The following NAV2 variants were observed in gnomAD, a reference collection of about 807,000 sequenced individuals.
The protein encoded by NAV2 is neuron navigator 2.
A neutral mutation model predicts 223.2 loss-of-function variants in NAV2; 54 were observed. That is an observed-to-expected ratio of 0.24 (90% CI 0.19 to 0.30). The LOEUF (loss-of-function observed/expected upper bound fraction) is 0.30. NAV2 is among the 10% of genes least tolerant of loss of function. The pLI, the probability that NAV2 is intolerant of heterozygous loss-of-function variation, is 1.00. For synonymous variants in NAV2, 1,279 were observed against 1,239.3 expected (o/e 1.03, Z -0.67); for missense variants, 2,806 against 3,147.5 (o/e 0.89, Z 2.60).
chr11:19,933,202 C>T lies in NAV2; in HGVS notation c.958C>T (p.His320Tyr). ...GCCTTTGGCAAGTTCAGCCTCCTCC[C>T]ACCCCGGAATGAGTGACAATGCACC... is the stretch of plus-strand genomic sequence containing the variant. ...KEPLASSASS[H>Y]PGMSDNAPAS... Residue 320 changes from histidine (H) to tyrosine (Y), a missense_variant, in exon 7 of 38, where the codon CAC becomes TAC. Around this residue, in one of 4 missense-constraint regions of NAV2, gnomAD observed 1,167 missense variants for 1,180.5 expected, o/e 0.99. Coordinates refer to ENST00000349880, the MANE Select transcript of NAV2 (RefSeq NM_145117.5). This position sits in a 1 kb window ranked among gnomAD's most constrained non-coding sequence, Gnocchi z 4.3. 1 of 1,543,596 alleles carries T rather than the reference C, an allele frequency of 6.5e-7. No individual in the cohort carries two copies. Among genetic ancestry groups the T allele is most frequent in the Middle Eastern group, 1.8e-4 (1 of 5,696 alleles).
chr11:19,606,499 T>G (rs563468145), intron 1 of NAV2, among the ~76,000 whole-genome samples: 2 of 152,236 alleles, frequency 1.3e-5, no homozygotes, highest in South Asian at 4.2e-4. Flanking sequence ...CCCTTAACCG[T>G]CCTCTCCTCA....
chr11:19,441,516 G>C (rs778115343), intron 1 of NAV2, among the ~76,000 whole-genome samples: 3 of 152,114 alleles, frequency 2.0e-5, no homozygotes, highest in Non-Finnish European at 4.4e-5. Flanking sequence ...ATAGCAGTAA[G>C]AGCATGAAAC....
chr11:19,811,080 G>C (rs186317031), intron 1 of NAV2, among the ~76,000 whole-genome samples: 3 of 152,350 alleles, frequency 2.0e-5, no homozygotes, highest in African/African-American at 7.2e-5. Context: ...TGAGGAGGAA[G>C]AGAAAAATGT....
chr11:19,752,260 A>G (rs757844589), intron 1 of NAV2, among the ~76,000 whole-genome samples: 1 of 152,142 alleles, frequency 6.6e-6, no homozygotes, highest in Non-Finnish European at 1.5e-5. Context: ...CAGCAATGGG[A>G]GAAGCTGCAG....
chr11:19,485,163 C>A (rs956060527), intron 1 of NAV2, among the ~76,000 whole-genome samples: 2 of 152,096 alleles, frequency 1.3e-5, no homozygotes, highest in South Asian at 2.1e-4. Context: ...TATCTAGGGG[C>A]CTAAGAGCTT....
chr11:20,077,104 T>G (rs898515144), intron 22 of NAV2, among the ~76,000 whole-genome samples: 1 of 152,130 alleles, frequency 6.6e-6, no homozygotes, highest in Non-Finnish European at 1.5e-5. Context: ...CATCCTCCAT[T>G]GTAGTAGAGA....
intron 10 of NAV2, among the ~76,000 whole-genome samples, chr11:19,951,708 T>C (rs6483624): frequency 0.91 from 138,755 of 152,284 alleles, 63,304 homozygotes; most frequent in East Asian, 0.98. Flanking sequence ...ATCTTAGTGA[T>C]AGCCGACTGA....
At chr11:19,715,536 TGAG>T (rs2050232507) in intron 1 of NAV2, among the ~76,000 whole-genome samples, 1 of 152,118 alleles carries the variant, frequency 6.6e-6, no homozygotes, top group Non-Finnish European at 1.5e-5. Flanking sequence ...TCGAGCCTGA[TGAG>T]GAGCACCCGA....
chr11:19,691,874 T>G (rs2049185170), intron 1 of NAV2, among the ~76,000 whole-genome samples: 1 of 152,228 alleles, frequency 6.6e-6, no homozygotes, highest in Admixed American at 6.5e-5. Context: ...TGGCTGGCAC[T>G]ATGGTGTCAA....
At chr11:19,883,087 T>A (rs1163090637) in intron 5 of NAV2, among the ~76,000 whole-genome samples, 1 of 152,212 alleles carries the variant, frequency 6.6e-6, no homozygotes, top group African/African-American at 2.4e-5. Context: ...ATTATTAATG[T>A]CAAATGTTGA....
chr11:20,103,572 A>G, intron 33 of NAV2, 81 bp from the exon 34 acceptor site: 3 of 1,529,722 alleles, frequency 2.0e-6, no homozygotes, highest in Non-Finnish European at 2.7e-6. Flanking sequence ...CTGGAAGCAC[A>G]GGGCCATGGG....
At chr11:19,653,538 C>T (rs188629739) in intron 1 of NAV2, among the ~76,000 whole-genome samples, 112 of 152,310 alleles carry the variant, frequency 7.4e-4, no homozygotes, top group African/African-American at 2.6e-3. Context: ...TATCCAAAGA[C>T]GTGTAGACAG....
chr11:19,896,052 G>A (rs1591121556), intron 6 of NAV2, among the ~76,000 whole-genome samples: 2 of 152,228 alleles, frequency 1.3e-5, no homozygotes, highest in Admixed American at 6.5e-5. Context: ...AGTCCGTGAT[G>A]TAATCCCATC....
At chr11:20,078,922 G>A (rs2153659930) in intron 24 of NAV2, among the ~76,000 whole-genome samples, 1 of 152,330 alleles carries the variant, frequency 6.6e-6, no homozygotes, top group African/African-American at 2.4e-5. Context: ...TCTAAGGGCA[G>A]TGCTAAGTGT....
At chr11:19,466,078 G>T (rs571885311) in intron 1 of NAV2, among the ~76,000 whole-genome samples, 1 of 152,174 alleles carries the variant, frequency 6.6e-6, no homozygotes, top group East Asian at 1.9e-4. Flanking sequence ...TTGTTTCCAC[G>T]AGAAGAGTGA....
At chr11:19,571,040 C>T (rs552143915) in intron 1 of NAV2, among the ~76,000 whole-genome samples, 1 of 152,166 alleles carries the variant, frequency 6.6e-6, no homozygotes, top group African/African-American at 2.4e-5. Context: ...ACCCAAATGT[C>T]TATCAACAGA....
In NAV2 at chr11:19,427,945, C is replaced by T. The variant is rs563789446; in HGVS notation, c.75+76918C>T. On this transcript the variant is annotated intron_variant, in intron 1 of 37. Transcript: ENST00000360655. ...ATATGAGTTTGAATCTGCATCCCCC[C>T]GCTAGTTTGTTTTTTGTGTTTTTGA... Among the ~76,000 whole-genome samples, 10 of 151,804 alleles carry T rather than the reference C, an allele frequency of 6.6e-5. No homozygotes were observed. The South Asian group carries it at 8.3e-4, about 13-fold the overall frequency.
rs988553690 is a variant in NAV2 at position 19,933,909 on chromosome 11, G to T, written c.1665G>T (p.Glu555Asp). The T allele has an allele frequency of 6.3e-7, 1 of 1,584,986 alleles. No individual in the cohort carries two copies. Among genetic ancestry groups the T allele is most frequent in the Non-Finnish European group, 8.5e-7 (1 of 1,169,892 alleles). The change falls in exon 7 of 38, where the codon GAG (glutamate) becomes GAT (aspartate). Residue 555 changes from glutamate (E) to aspartate (D), a missense_variant. Glu to Asp is a conservative substitution (Grantham distance 45, BLOSUM62 2). Around this residue, in one of 4 missense-constraint regions of NAV2, gnomAD observed 1,167 missense variants for 1,180.5 expected, o/e 0.99. Transcript: ENST00000349880. This position sits in a 1 kb window ranked among gnomAD's most constrained non-coding sequence, Gnocchi z 4.3. ...GGAAGCTCAACAGTGCCAAGAAGGA[G>T]CCCATGGCCCCTTCCCACAGTGGAA... Reference protein sequence around the residue: ...KGGKLNSAKKEPMAPSHSGIP... With the variant: ...KGGKLNSAKKDPMAPSHSGIP...
chr11:19,882,266 A>G (rs2063262723), intron 5 of NAV2, among the ~76,000 whole-genome samples: 1 of 152,186 alleles, frequency 6.6e-6, no homozygotes, highest in Admixed American at 6.5e-5. Flanking sequence ...AAAAATGGAG[A>G]TGGACTAATT....
Sources: allele counts gnomAD v4.1 joint callset (sites outside exome capture counted in the v4.1 genomes callset), GRCh38; gene constraint gnomAD v4.1.1; regional missense constraint gnomAD v4.1.1; non-coding constraint Gnocchi (gnomAD v3.1); transcripts MANE v1.5; gene names NCBI Gene and HGNC (gene_info 2026-07-23, HGNC 2026-07-21).